CAPG: variants seen among roughly 807,000 people sequenced by gnomAD.
CAPG encodes the protein macrophage-capping protein.
In CAPG, 32 loss-of-function variants were observed where a neutral mutation model predicts 44.6. The observed-to-expected ratio is 0.72, with a 90% CI of 0.54 to 0.96. CAPG has a LOEUF of 0.96. Ranked by LOEUF, CAPG falls within the 50% of genes least tolerant of loss-of-function variation. The pLI, the probability that CAPG is intolerant of heterozygous loss-of-function variation, is 0.00. For missense variants in CAPG, 412 were observed against 438.3 expected (o/e 0.94, Z 0.54); for synonymous variants, 175 against 179.6 (o/e 0.97, Z 0.20).
At position 85,402,114 on chromosome 2, in the gene CAPG, G is replaced by T; in HGVS notation, c.23+9C>A. 6.2e-7 allele frequency: 1 copy of T among 1,609,654 alleles called. No individual in the cohort carries two copies. Among genetic ancestry groups the T allele is most frequent in the Non-Finnish European group, 8.5e-7 (1 of 1,177,534 alleles). ...GAAGTTGTGAAAGGAGATGGGGCAT[G>T]CAGCTTACCTCTGGGGAATGGCTGT... On this transcript the variant is annotated intron_variant, in intron 2 of 9. Coordinates refer to ENST00000263867, the MANE Select transcript of CAPG (RefSeq NM_001747.4).
chr2:85,400,367 C>T (rs1686822323), intron 5 of CAPG, among the ~76,000 whole-genome samples: 1 of 152,204 alleles, frequency 6.6e-6, no homozygotes, highest in Non-Finnish European at 1.5e-5. Flanking sequence ...CTGTCCCCTT[C>T]CTTGTCTCAG....
At chr2:85,412,549 T>G (rs1315651811), upstream of CAPG, among the ~76,000 whole-genome samples, 1 of 151,794 alleles carries the variant, frequency 6.6e-6, no homozygotes, top group East Asian at 1.9e-4. Flanking sequence ...ATAGGGTAGT[T>G]TGGTGGAGGG....
chr2:85,413,400 C>T (rs1323206877), upstream of CAPG, among the ~76,000 whole-genome samples: 1 of 152,112 alleles, frequency 6.6e-6, no homozygotes, highest in Admixed American at 6.5e-5. Flanking sequence ...ACCAACGTGG[C>T]GAAACCCCAT....
rs1428697248 is a variant in CAPG, at chr2:85,401,337, C to T, written c.352-8G>A. 3.1e-6 allele frequency: 5 copies of T among 1,613,082 alleles called. No individual in the cohort carries two copies. Among genetic ancestry groups the T allele is most frequent in the Non-Finnish European group, 4.2e-6 (5 of 1,179,320 alleles). On this transcript the variant is annotated splice_polypyrimidine_tract_variant and splice_region_variant and intron_variant, in intron 4 of 9. Coordinates refer to ENST00000263867, the MANE Select transcript of CAPG (RefSeq NM_001747.4). ...TGACTCCACACCACCTTCCTGCAGC[C>T]CAGACGGCCCATCTGAGTGGACTGA...
At position 85,394,968 on chromosome 2, in the gene CAPG, C is replaced by T. The variant is rs779519345; in HGVS notation, c.982-10G>A. 7.5e-6 allele frequency: 12 copies of T among 1,601,752 alleles called. No homozygotes were observed. The highest frequency in any genetic ancestry group is 1.7e-5 in the Admixed American group (1 of 59,968). On this transcript the variant is annotated splice_polypyrimidine_tract_variant and intron_variant, in intron 9 of 9. Transcript: ENST00000263867. ...GAGGCAGAATCTCCACCTGCAGGGA[C>T]AGCGGGGGAGAAGTCTGGTTCACAA...
intron 1 of CAPG, among the ~76,000 whole-genome samples, chr2:85,416,272 A>C (rs1467380363): frequency 6.6e-6 from 1 of 152,104 alleles, no homozygotes; most frequent in Non-Finnish European, 1.5e-5. Flanking sequence ...TGAAATTGCA[A>C]AAGATTCTTC....
chr2:85,409,157 A>C (rs1389624489), intron 1 of CAPG, among the ~76,000 whole-genome samples: 1 of 152,158 alleles, frequency 6.6e-6, no homozygotes, highest in African/African-American at 2.4e-5. Context: ...GCAGGTGCTC[A>C]AAGAATGCAT....
At chr2:85,418,536 C>G (rs910923733), upstream of CAPG, 2 of 151,062 alleles carry the variant, frequency 1.3e-5, no homozygotes, top group Admixed American at 1.3e-4. Flanking sequence ...CCTGTGGTGC[C>G]TTTGCTGAGC....
At chr2:85,413,729 C>G (rs1348752037), upstream of CAPG, 1 of 152,254 alleles carries the variant, frequency 6.6e-6, no homozygotes, top group African/African-American at 2.4e-5. Flanking sequence ...CACAGTGTTC[C>G]TACCCTTGTG....
upstream of CAPG, chr2:85,419,247 G>T (rs1687660081): frequency 6.6e-6 from 1 of 152,370 alleles, no homozygotes; most frequent in Non-Finnish European, 1.5e-5. Flanking sequence ...GAGTCAAGGT[G>T]AGGTTAGGAG....
chr2:85,402,218 G>T, intron 1 of CAPG, 60 bp from the exon 2 acceptor site: 1 of 1,400,856 alleles, frequency 7.1e-7, no homozygotes, highest in Non-Finnish European at 9.9e-7. Flanking sequence ...CTCTCACGTG[G>T]GGCTGGAGAG....
chr2:85,393,205 T>G (rs893651580), downstream of CAPG, among the ~76,000 whole-genome samples: 4 of 151,966 alleles, frequency 2.6e-5, no homozygotes. Context: ...CCAGCTAAGT[T>G]TTGTATTTTT....
intron 1 of CAPG, among the ~76,000 whole-genome samples, chr2:85,402,802 ACT>A (rs1247983172): frequency 7.1e-6 from 1 of 141,628 alleles, no homozygotes; most frequent in Non-Finnish European, 1.5e-5. Flanking sequence ...ACAGAGTCTC[ACT>A]CTGTCACTCA....
chr2:85,399,614 T>C (rs1686782752), intron 5 of CAPG, among the ~76,000 whole-genome samples: 1 of 152,294 alleles, frequency 6.6e-6, no homozygotes, highest in East Asian at 1.9e-4. Context: ...CCTTAGCTTC[T>C]AAGCAGCTGA....
chr2:85,408,840 C>CA (rs112599992), intron 1 of CAPG: 76 of 151,958 alleles, frequency 5.0e-4, no homozygotes, highest in African/African-American at 1.6e-3. Flanking sequence ...AGGAATAAAA[C>CA]AAAAAAAAGA....
downstream of CAPG, among the ~76,000 whole-genome samples, chr2:85,394,407 T>C (rs1158287744): frequency 2.0e-5 from 3 of 152,248 alleles, no homozygotes; most frequent in Non-Finnish European, 4.4e-5. Flanking sequence ...TCAGTGGGCA[T>C]ATGTCACTTG....
chr2:85,414,395 G>C (rs904014036), upstream of CAPG, among the ~76,000 whole-genome samples: 1 of 151,686 alleles, frequency 6.6e-6, no homozygotes, highest in Admixed American at 6.6e-5. Flanking sequence ...AACTTGTCCA[G>C]AGTGTCACAT....
chr2:85,414,158 T>A (rs963218342), upstream of CAPG: 3 of 152,198 alleles, frequency 2.0e-5, no homozygotes, highest in Non-Finnish European at 2.9e-5. Context: ...GAATTGGGCG[T>A]GGGAAGGAGG....
At chr2:85,414,598 CT>C (rs35025820), upstream of CAPG, among the ~76,000 whole-genome samples, 72,236 of 144,908 alleles carry the variant, frequency 0.5, 18,216 homozygotes, top group African/African-American at 0.64. Context: ...CCCAGCTAAA[CT>C]TTTTTTTTTT....
Sources: allele counts gnomAD v4.1 joint callset (sites outside exome capture counted in the v4.1 genomes callset), GRCh38; gene constraint gnomAD v4.1.1; transcripts MANE v1.5; gene names NCBI Gene and HGNC (gene_info 2026-07-23, HGNC 2026-07-21).